BRIP1: variants seen among roughly 807,000 people sequenced by gnomAD.
The protein encoded by BRIP1 is BRCA1 interacting DNA helicase 1.
In BRIP1, 88 loss-of-function variants were observed where a neutral mutation model predicts 119.7. The observed-to-expected ratio is 0.74, with a 90% CI of 0.62 to 0.88. The LOEUF (loss-of-function observed/expected upper bound fraction) is 0.88. Ranked by LOEUF, BRIP1 falls within the 40% of genes least tolerant of loss-of-function variation. The pLI is 0.00. For missense variants in BRIP1, 1,259 were observed against 1,455.4 expected, an observed-to-expected ratio of 0.87 and a Z score of 2.20; for synonymous variants, 443 against 496.5, an observed-to-expected ratio of 0.89 and a Z score of 1.43.
intron 16 of BRIP1, among the ~76,000 whole-genome samples, chr17:61,732,894 A>G (rs2076868731): frequency 6.6e-6 from 1 of 152,106 alleles, no homozygotes; most frequent in Non-Finnish European, 1.5e-5. Flanking sequence ...GGGTTTCACC[A>G]TGTTGGCCAG....
rs886038702 is a variant in BRIP1, at chr17:61,849,198, T to G, written c.438A>C (p.Ile146=). 6.2e-7 allele frequency: 1 copy of G among 1,613,000 alleles called. No homozygotes were observed. The highest frequency in any genetic ancestry group is 8.5e-7 in the Non-Finnish European group (1 of 1,179,104). Residue 146 remains isoleucine, a synonymous_variant, in exon 5 of 20, where the codon ATA becomes ATC. Transcript: ENST00000259008. ...GAAAATCATCATTTTCATCTCTGTA[T>G]ATGGATGCCTGTTTCTTAGCAGATA... ...AKLSAKKQAS[I]YRDENDDFQV...
rs2077242183 is a variant in BRIP1, at chr17:61,759,225, C to G, written c.2098-14634G>C. ...ATGCACAGAGGCTGAAAGTGAGCAG[C>G]TGAAAAAAGCTATTCAACAAAATGG... On this transcript the variant is annotated intron_variant, in intron 14 of 19. Coordinates refer to ENST00000259008, the MANE Select transcript of BRIP1 (RefSeq NM_032043.3). The surrounding 1 kb of genome is among the most constrained non-coding windows in gnomAD (Gnocchi z 4.9). Among the ~76,000 whole-genome samples, 1 of 151,834 alleles carries G rather than the reference C, an allele frequency of 6.6e-6. No individual in the cohort carries two copies.
chr17:61,759,550 T>G lies in BRIP1; in HGVS notation c.2098-14959A>C, dbSNP rs111632699. Reference sequence around the variant, plus strand: ...AAAATATATTTAAAAACATTGGACTTGAATAAATTTAGACCAAATGGACCT... The same window carrying G: ...AAAATATATTTAAAAACATTGGACTGGAATAAATTTAGACCAAATGGACCT... On this transcript the variant is annotated intron_variant, in intron 14 of 19. Coordinates refer to ENST00000259008, the MANE Select transcript of BRIP1 (RefSeq NM_032043.3). This position sits in a 1 kb window ranked among gnomAD's most constrained non-coding sequence, Gnocchi z 4.9. Among the ~76,000 whole-genome samples the G allele has an allele frequency of 2.0e-5, 3 of 152,164 alleles. No individual in the cohort carries two copies. The highest frequency in any genetic ancestry group is 7.2e-5 in the African/African-American group (3 of 41,534).
At chr17:61,784,602 G>A (rs1362951200) in intron 10 of BRIP1, among the ~76,000 whole-genome samples, 178 bp from the exon 11 acceptor site, 1 of 151,954 alleles carries the variant, frequency 6.6e-6, no homozygotes, top group African/African-American at 2.4e-5. Context: ...CCCCAGTAAT[G>A]GAAGTGGGGC....
chr17:61,747,375 G>T (rs180960722), intron 14 of BRIP1, among the ~76,000 whole-genome samples: 406 of 151,212 alleles, frequency 2.7e-3, no homozygotes, highest in Middle Eastern at 0.014. Context: ...GTTGGTTTTT[G>T]AAAAGATCAA....
intron 17 of BRIP1, among the ~76,000 whole-genome samples, 195 bp downstream of exon 17, chr17:61,715,756 G>A (rs563507115): frequency 9.9e-5 from 15 of 152,096 alleles, no homozygotes; most frequent in Non-Finnish European, 1.5e-4. Context: ...TGTGAGTTTT[G>A]TTTTGGGAAT....
Position 61,755,799 on chromosome 17 carries a change from T to G in BRIP1, c.2098-11208A>C, listed in dbSNP as rs1401913135. ...TTTAGAAAGAACAATGGAGAGTAAATAGGATACTAAGTCTGAGATACTGCA... is the reference window on the plus strand; with the variant it reads ...TTTAGAAAGAACAATGGAGAGTAAAGAGGATACTAAGTCTGAGATACTGCA... On this transcript the variant is annotated intron_variant, in intron 14 of 19. Transcript: ENST00000259008. The surrounding 1 kb of genome is among the most constrained non-coding windows in gnomAD (Gnocchi z 4.5). Among the ~76,000 whole-genome samples the G allele has an allele frequency of 6.6e-6, 1 of 151,912 alleles. No individual in the cohort carries two copies. The highest frequency in any genetic ancestry group is 2.4e-5 in the African/African-American group (1 of 41,338).
rs903760458 is a variant in BRIP1, at chr17:61,756,008, A to AT, written c.2098-11418dup. ...TTTTATTTTAATTTCTTCAGTGGAGATTTTTTTTAAAGTACCTTAAAACCT... is the reference window on the plus strand; with the variant it reads ...TTTTATTTTAATTTCTTCAGTGGAGATTTTTTTTTAAAGTACCTTAAAACCT... On this transcript the variant is annotated intron_variant, in intron 14 of 19. Coordinates refer to ENST00000259008, the MANE Select transcript of BRIP1 (RefSeq NM_032043.3). The surrounding 1 kb of genome is among the most constrained non-coding windows in gnomAD (Gnocchi z 4.3). Among the ~76,000 whole-genome samples the AT allele has an allele frequency of 6.6e-6, 1 of 151,994 alleles. No individual in the cohort carries two copies. Among genetic ancestry groups the AT allele is most frequent in the African/African-American group, 2.4e-5 (1 of 41,380 alleles).
At position 61,780,128 on chromosome 17, in the gene BRIP1, A is replaced by C. The variant is rs1226865790; in HGVS notation, c.1935+133T>G. The C allele has an allele frequency of 8.2e-6, 8 of 973,484 alleles. No individual in the cohort carries two copies. In the East Asian group the frequency reaches 1.7e-4, roughly 21 times the overall value. 60.3% of individuals were successfully genotyped at this position (973,484 alleles called of 1,614,324 possible). ...TTAAGTAGCTGACAGATTTTCTTTT[A>C]TTGTAAAACTGGAATGTTGAATTTC... is the stretch of plus-strand genomic sequence containing the variant. On this transcript the variant is annotated intron_variant, in intron 13 of 19. Coordinates refer to ENST00000259008, the MANE Select transcript of BRIP1 (RefSeq NM_032043.3). This position sits in a 1 kb window ranked among gnomAD's most constrained non-coding sequence, Gnocchi z 5.4.
At chr17:61,838,790 G>C (rs988852808) in intron 6 of BRIP1, among the ~76,000 whole-genome samples, 3 of 151,688 alleles carry the variant, frequency 2.0e-5, no homozygotes, top group Non-Finnish European at 2.9e-5. Flanking sequence ...AAAAAAAAGT[G>C]AGGCATATGA....
In BRIP1 at chr17:61,778,305, A is replaced by G. The variant is rs1040285499; in HGVS notation, c.1936-1743T>C. ...AATCAGATTCATAGAAACAGAAAGC[A>G]GAATGGTAGTTACCAGGAGCTGAGG... On this transcript the variant is annotated intron_variant, in intron 13 of 19. Coordinates refer to ENST00000259008, the MANE Select transcript of BRIP1 (RefSeq NM_032043.3). The surrounding 1 kb of genome is among the most constrained non-coding windows in gnomAD (Gnocchi z 4.4). Among the ~76,000 whole-genome samples, 32 of 152,286 alleles carry G rather than the reference A, an allele frequency of 2.1e-4. No individual in the cohort carries two copies. Among genetic ancestry groups the G allele is most frequent in the African/African-American group, 7.5e-4 (31 of 41,568 alleles).
intron 10 of BRIP1, among the ~76,000 whole-genome samples, chr17:61,792,203 C>T (rs571763071): frequency 1.4e-4 from 21 of 152,316 alleles, no homozygotes; most frequent in Non-Finnish European, 2.6e-4. Flanking sequence ...GCCTCAGCCT[C>T]CCAAGTAGCT....
chr17:61,842,752 C>T lies in BRIP1; in HGVS notation c.627+4349G>A, dbSNP rs188938932. On this transcript the variant is annotated intron_variant, in intron 6 of 19. Transcript: ENST00000259008. The surrounding 1 kb of genome is among the most constrained non-coding windows in gnomAD (Gnocchi z 5.1). ...TGCTGCTACTTCTACTACCACTTGGCGCTTAAACTCTAAGGTATGCCAGAT... is the reference window on the plus strand; with the variant it reads ...TGCTGCTACTTCTACTACCACTTGGTGCTTAAACTCTAAGGTATGCCAGAT... Among the ~76,000 whole-genome samples the T allele has an allele frequency of 5.6e-4, 85 of 152,284 alleles. No individual in the cohort carries two copies. The highest frequency in any genetic ancestry group is 4.4e-3 in the East Asian group (23 of 5,192).
Position 61,768,979 on chromosome 17 carries a change from G to A in BRIP1, c.2097+7422C>T, listed in dbSNP as rs1389471985. Among the ~76,000 whole-genome samples the A allele has an allele frequency of 6.6e-6, 1 of 152,092 alleles. No individual in the cohort carries two copies. The highest frequency in any genetic ancestry group is 1.5e-5 in the Non-Finnish European group (1 of 68,008). On this transcript the variant is annotated intron_variant, in intron 14 of 19. Coordinates refer to ENST00000259008, the MANE Select transcript of BRIP1 (RefSeq NM_032043.3). The surrounding 1 kb of genome is among the most constrained non-coding windows in gnomAD (Gnocchi z 5.0). The stretch of plus-strand genomic sequence containing the variant: ...AGTAGTAGTAGTAATAAGCTGCCAC[G>A]TTGTTGAGAGGGCGATATGACTAGG...
rs2061508039 is a variant in BRIP1 at position 61,695,564 on chromosome 17, TATCA to T, written c.2493-2056_2493-2053del. ...TGATTAGTATTGTATTTAACCTCTATATCAATATAGGGGAGTGTTGATATCCTAA... is the reference window on the plus strand; with the variant it reads ...TGATTAGTATTGTATTTAACCTCTATATATAGGGGAGTGTTGATATCCTAA... On this transcript the variant is annotated intron_variant, in intron 17 of 19. Coordinates refer to ENST00000259008, the MANE Select transcript of BRIP1 (RefSeq NM_032043.3). This position sits in a 1 kb window ranked among gnomAD's most constrained non-coding sequence, Gnocchi z 4.3. Among the ~76,000 whole-genome samples, 1 of 152,272 alleles carries T rather than the reference TATCA, an allele frequency of 6.6e-6. No homozygotes were observed. The highest frequency in any genetic ancestry group is 2.4e-5 in the African/African-American group (1 of 41,584).
Position 61,755,923 on chromosome 17 carries a change from G to A in BRIP1, c.2098-11332C>T, listed in dbSNP as rs574039166. Among the ~76,000 whole-genome samples, 5 of 152,292 alleles carry A rather than the reference G, an allele frequency of 3.3e-5. No individual in the cohort carries two copies. Among genetic ancestry groups the A allele is most frequent in the Non-Finnish European group, 5.9e-5 (4 of 68,024 alleles). On this transcript the variant is annotated intron_variant, in intron 14 of 19. Transcript: ENST00000259008. This position sits in a 1 kb window ranked among gnomAD's most constrained non-coding sequence, Gnocchi z 4.5. ...TTTAGTTCGGGCAAAGAGCTATGAG[G>A]AACACTTCATAAAAGGGAGAATTTG...
chr17:61,729,349 A>G lies in BRIP1; in HGVS notation c.2380-13286T>C, dbSNP rs2076813109. On this transcript the variant is annotated intron_variant, in intron 16 of 19. Coordinates refer to ENST00000259008, the MANE Select transcript of BRIP1 (RefSeq NM_032043.3). The surrounding 1 kb of genome is among the most constrained non-coding windows in gnomAD (Gnocchi z 5.6). The stretch of plus-strand genomic sequence containing the variant: ...AAATCATTTGATTACAGTGAACAGT[A>G]TTTTCATAGTCATGATAATGTACAT... Among the ~76,000 whole-genome samples, 1 of 152,144 alleles carries G rather than the reference A, an allele frequency of 6.6e-6. No homozygotes were observed. The highest frequency in any genetic ancestry group is 2.4e-5 in the African/African-American group (1 of 41,430).
rs2061955133 is a variant in BRIP1 at position 61,720,453 on chromosome 17, A to G, written c.2380-4390T>C. 6.6e-6 allele frequency among the ~76,000 whole-genome samples: 1 copy of G among 152,256 alleles called. No individual in the cohort carries two copies. Among genetic ancestry groups the G allele is most frequent in the Admixed American group, 6.5e-5 (1 of 15,292 alleles). ...GAAACATTTTAGGCTTTCAAGATAT[A>G]TTAACAAAACTTATACAGCAGTTCC... On this transcript the variant is annotated intron_variant, in intron 16 of 19. Coordinates refer to ENST00000259008, the MANE Select transcript of BRIP1 (RefSeq NM_032043.3). This position sits in a 1 kb window ranked among gnomAD's most constrained non-coding sequence, Gnocchi z 4.3.
chr17:61,740,381 CTT>C lies in BRIP1; in HGVS notation c.2379+2630_2379+2631del, dbSNP rs1389893822. On this transcript the variant is annotated intron_variant, in intron 16 of 19. Transcript: ENST00000259008. The surrounding 1 kb of genome is among the most constrained non-coding windows in gnomAD (Gnocchi z 5.4). Reference sequence around the variant, plus strand: ...GGCAGGTCTGGATGAGCCTGAAAGTCTTTATTTCTATTAAGTTCCCAGGTGAT... The same window carrying C: ...GGCAGGTCTGGATGAGCCTGAAAGTCTATTTCTATTAAGTTCCCAGGTGAT... Among the ~76,000 whole-genome samples the C allele has an allele frequency of 6.6e-6, 1 of 152,150 alleles. No homozygotes were observed. Among genetic ancestry groups the C allele is most frequent in the African/African-American group, 2.4e-5 (1 of 41,436 alleles).
Sources: allele counts gnomAD v4.1 joint callset (sites outside exome capture counted in the v4.1 genomes callset), GRCh38; gene constraint gnomAD v4.1.1; non-coding constraint Gnocchi (gnomAD v3.1); transcripts MANE v1.5; gene names NCBI Gene and HGNC (gene_info 2026-07-23, HGNC 2026-07-21).